The following KDM6A variants were observed in gnomAD, a reference collection of about 807,000 sequenced individuals.
The protein encoded by KDM6A is lysine-specific demethylase 6A.
A neutral mutation model predicts 117.6 loss-of-function variants in KDM6A; 11 were observed. The ratio of observed to expected loss-of-function variants is 0.09; its 90% CI spans 0.06 to 0.15. The LOEUF is 0.15. KDM6A is among the 10% of genes least tolerant of loss of function. The probability of loss-of-function intolerance (pLI) is 1.00; values close to 1 mark genes in which losing one functional copy is unlikely to be tolerated. For missense variants in KDM6A, 799 were observed against 1,077.3 expected (o/e 0.74, Z 3.62); for synonymous variants, 384 against 396.1 (o/e 0.97, Z 0.36).
chrX:45,090,251 A>C (rs2045835496), intron 26 of KDM6A, among the ~76,000 whole-genome samples: 1 of 112,406 alleles, frequency 8.9e-6, no homozygotes, highest in South Asian at 3.6e-4. Context: ...CATTTAAAAA[A>C]ATCTAGTGTT....
intron 15 of KDM6A, 130 bp from the exon 16 acceptor site, chrX:45,062,517 G>C: frequency 2.0e-6 from 1 of 491,263 alleles, no homozygotes; most frequent in Admixed American, 3.0e-5. Flanking sequence ...TGTGACTGTT[G>C]GTCAGAAGAC....
chrX:45,070,725 A>G (rs888060135), intron 18 of KDM6A, among the ~76,000 whole-genome samples: 44 of 99,022 alleles, frequency 4.4e-4, no homozygotes, highest in African/African-American at 1.5e-3. Flanking sequence ...TTTTTTTTTT[A>G]TCAGAGCCTA....
chrX:44,989,030 C>T (rs908500181), intron 4 of KDM6A, among the ~76,000 whole-genome samples: 1 of 108,254 alleles, frequency 9.2e-6, no homozygotes, highest in Admixed American at 1.0e-4. Flanking sequence ...GCAGGCAGGC[C>T]TCCTTGACCT....
rs921866206 is a variant in KDM6A, at chrX:45,036,870, A to G, written c.620-785A>G. Reference sequence around the variant, plus strand: ...TCTGTTTAAATCTCAGTTGTAGATCATTACTCTTGAGAGAAAAATGTCTGC... The same window carrying G: ...TCTGTTTAAATCTCAGTTGTAGATCGTTACTCTTGAGAGAAAAATGTCTGC... On this transcript the variant is annotated intron_variant, in intron 7 of 29. Transcript: ENST00000611820. Among the ~76,000 whole-genome samples the G allele has an allele frequency of 2.7e-5, 3 of 112,785 alleles. No homozygotes were observed. The South Asian group carries it at 1.1e-3, about 41-fold the overall frequency.
At chrX:44,896,623 C>CT (rs11292562) in intron 2 of KDM6A, among the ~76,000 whole-genome samples, 9 of 69,384 alleles carry the variant, frequency 1.3e-4, no homozygotes, top group Non-Finnish European at 1.9e-4. Flanking sequence ...TTATCATTTC[C>CT]TTTTTTTTTT....
At chrX:44,990,120 T>G (rs894445032) in intron 4 of KDM6A, among the ~76,000 whole-genome samples, 4 of 112,353 alleles carry the variant, frequency 3.6e-5, no homozygotes, top group African/African-American at 1.3e-4. Context: ...CAGTTAGCAC[T>G]GTTTTGCAAT....
At chrX:45,083,086 C>G (rs2045490925) in intron 23 of KDM6A, among the ~76,000 whole-genome samples, 1 of 110,361 alleles carries the variant, frequency 9.1e-6, no homozygotes, top group African/African-American at 3.3e-5. Flanking sequence ...CCACTGCACC[C>G]TGCCAAATTT....
At chrX:44,963,216 T>A (rs1198583838) in intron 3 of KDM6A, among the ~76,000 whole-genome samples, 2 of 110,631 alleles carry the variant, frequency 1.8e-5, no homozygotes, top group Non-Finnish European at 3.8e-5. Context: ...GATTCCAGCA[T>A]TTTGGGAGGC....
At chrX:44,974,432 A>C (rs1481428192) in intron 3 of KDM6A, among the ~76,000 whole-genome samples, 1 of 110,921 alleles carries the variant, frequency 9.0e-6, no homozygotes, top group African/African-American at 3.3e-5. Context: ...TCTTTGAGGA[A>C]GGTCGAGTTG....
intron 3 of KDM6A, among the ~76,000 whole-genome samples, chrX:44,968,010 G>C (rs1209348157): frequency 1.8e-5 from 2 of 112,215 alleles, no homozygotes; most frequent in African/African-American, 6.5e-5. Flanking sequence ...TATTGTTGTA[G>C]GTTATGTTCC....
intron 2 of KDM6A, among the ~76,000 whole-genome samples, chrX:44,898,801 G>T (rs2034095953): frequency 5.5e-5 from 6 of 110,057 alleles, no homozygotes. Flanking sequence ...GTTTTGTCTT[G>T]CCAACACAAC....
At chrX:44,942,632 C>T (rs1340151362) in intron 2 of KDM6A, among the ~76,000 whole-genome samples, 1 of 108,522 alleles carries the variant, frequency 9.2e-6, no homozygotes, top group Non-Finnish European at 1.9e-5. Flanking sequence ...AAAAAAGGCT[C>T]ACTGAGATTT....
chrX:44,888,123 G>A (rs1055803706), intron 2 of KDM6A, among the ~76,000 whole-genome samples: 1 of 111,533 alleles, frequency 9.0e-6, no homozygotes, highest in African/African-American at 3.3e-5. Context: ...TGGCCAAGAT[G>A]GTGAAACCTC....
At chrX:45,083,136 ACT>A (rs2045494319) in intron 23 of KDM6A, among the ~76,000 whole-genome samples, 2 of 108,163 alleles carry the variant, frequency 1.8e-5, no homozygotes, top group African/African-American at 3.4e-5. Flanking sequence ...TTTCATCAAG[ACT>A]CTGACTATAT....
chrX:44,999,011 A>G (rs1169461903), intron 4 of KDM6A, among the ~76,000 whole-genome samples: 2 of 112,069 alleles, frequency 1.8e-5, no homozygotes, highest in African/African-American at 6.5e-5. Flanking sequence ...GTCAACAAAA[A>G]GAGTCAAACT....
intron 2 of KDM6A, among the ~76,000 whole-genome samples, chrX:44,890,786 C>T (rs1442565230): frequency 9.5e-6 from 1 of 104,747 alleles, no homozygotes; most frequent in Admixed American, 1.0e-4. Context: ...TCCTGAGTAG[C>T]TGGGATTACA....
intron 18 of KDM6A, 67 bp downstream of exon 18, chrX:45,070,424 T>A: frequency 9.8e-7 from 1 of 1,021,128 alleles, no homozygotes; most frequent in Non-Finnish European, 1.4e-6. Context: ...ATGCTGAAAT[T>A]TGGACCGTTT....
intron 8 of KDM6A, among the ~76,000 whole-genome samples, chrX:45,043,395 T>G (rs190739511): frequency 8.9e-6 from 1 of 112,178 alleles, no homozygotes; most frequent in East Asian, 2.8e-4. Flanking sequence ...TTGTTTAATT[T>G]TAATGAGAGC....
chrX:45,080,508 A>G (rs911388958), intron 21 of KDM6A, among the ~76,000 whole-genome samples: 2 of 111,525 alleles, frequency 1.8e-5, no homozygotes, highest in African/African-American at 6.5e-5. Context: ...TTTTTCTTCA[A>G]ATGTCCTACC....
Sources: allele counts gnomAD v4.1 joint callset (sites outside exome capture counted in the v4.1 genomes callset), GRCh38; gene constraint gnomAD v4.1.1; transcripts MANE v1.5; gene names NCBI Gene and HGNC (gene_info 2026-07-23, HGNC 2026-07-21).